The following DPY19L1 variants were observed in gnomAD, a reference collection of about 807,000 sequenced individuals.
DPY19L1 encodes the protein dpy-19 like C-mannosyltransferase 1.
A neutral mutation model predicts 96.9 loss-of-function variants in DPY19L1; 35 were observed. That is an observed-to-expected ratio of 0.36 (90% CI 0.28 to 0.48). The LOEUF (loss-of-function observed/expected upper bound fraction) is 0.48, where lower values mean the gene tolerates loss of function less well. Ranked by LOEUF, DPY19L1 falls within the 20% of genes least tolerant of loss-of-function variation. DPY19L1 has a pLI of 0.99. For missense variants in DPY19L1, 521 were observed against 777.9 expected, an observed-to-expected ratio of 0.67 and a Z score of 3.93; for synonymous variants, 205 against 252.6, an observed-to-expected ratio of 0.81 and a Z score of 1.79.
chr7:35,023,224 T>C (rs1786037228), intron 1 of DPY19L1, among the ~76,000 whole-genome samples: 1 of 152,158 alleles, frequency 6.6e-6, no homozygotes, highest in South Asian at 2.1e-4. Context: ...CCCCTCCCAG[T>C]TACCCCAAGC....
chr7:34,983,405 A>G (rs328905), intron 7 of DPY19L1, among the ~76,000 whole-genome samples: 5,574 of 152,140 alleles, frequency 0.037, 202 homozygotes, highest in African/African-American at 0.089. Context: ...ATAGAAAAAT[A>G]TTAGTGAGAT....
Position 35,010,247 on chromosome 7 carries a change from A to G in DPY19L1, c.764+221T>C, listed in dbSNP as rs140182693. On this transcript the variant is annotated intron_variant, in intron 6 of 21. Coordinates refer to ENST00000638088, the MANE Select transcript of DPY19L1 (RefSeq NM_001366673.1). ...CCTGTCTCAAAAAAAAAAGTAATTAAATTTATCAAGTATTCCCAATTCTAT... is the reference window on the plus strand; with the variant it reads ...CCTGTCTCAAAAAAAAAAGTAATTAGATTTATCAAGTATTCCCAATTCTAT... Among the ~76,000 whole-genome samples, 865 of 152,192 alleles carry G rather than the reference A, an allele frequency of 5.7e-3. 31 individuals are homozygous for G. The highest frequency in any genetic ancestry group is 0.051 in the Admixed American group (772 of 15,284).
chr7:35,008,785 G>A (rs1785630140), intron 6 of DPY19L1, among the ~76,000 whole-genome samples: 1 of 152,156 alleles, frequency 6.6e-6, no homozygotes, highest in African/African-American at 2.4e-5. Context: ...CTTCTCTTAT[G>A]TAAAATCTAA....
intron 1 of DPY19L1, among the ~76,000 whole-genome samples, chr7:35,033,042 T>C (rs1786298637): frequency 6.6e-6 from 1 of 152,186 alleles, no homozygotes; most frequent in South Asian, 2.1e-4. Context: ...AATTTAATCA[T>C]GTCACTCTCC....
rs749357640 is a variant in DPY19L1 at position 34,966,911 on chromosome 7, T to C, written c.1075A>G (p.Ile359Val). 51 of 1,538,888 alleles carry C rather than the reference T, an allele frequency of 3.3e-5. No homozygotes were observed. In the South Asian group the frequency reaches 6.2e-4, roughly 19 times the overall value. Residue 359 changes from isoleucine (I) to valine (V), a missense_variant, in exon 10 of 22, where the codon ATC (isoleucine) becomes GTC (valine). Coordinates refer to ENST00000638088, the MANE Select transcript of DPY19L1 (RefSeq NM_001366673.1). ...GYIDICKLRK[I>V]IYIHMISLAL... The stretch of plus-strand genomic sequence containing the variant: ...ATTATTACCATGTGTATATAAATGA[T>C]CTTCCGTAATTTACATATATCAATG...
chr7:34,941,976 T>G (rs1248275306), intron 17 of DPY19L1, 92 bp from the exon 18 acceptor site: 1 of 1,327,924 alleles, frequency 7.5e-7, no homozygotes, highest in Non-Finnish European at 1.0e-6. Context: ...TACGTTCTCC[T>G]TAGTAACAAA....
chr7:34,966,627 A>G (rs1466619245), intron 10 of DPY19L1, among the ~76,000 whole-genome samples: 2 of 152,162 alleles, frequency 1.3e-5, no homozygotes, highest in Admixed American at 6.5e-5. Flanking sequence ...CCTGGATAAT[A>G]TATCAGCCCC....
At chr7:35,014,439 C>G (rs1024118898) in intron 3 of DPY19L1, among the ~76,000 whole-genome samples, 2 of 151,890 alleles carry the variant, frequency 1.3e-5, no homozygotes, top group Non-Finnish European at 1.5e-5. Flanking sequence ...AACGGAGAGT[C>G]TAAGTGGCAG....
In DPY19L1 at chr7:34,947,652, A is replaced by G. The variant is rs1488161332; in HGVS notation, c.1472T>C (p.Val491Ala). ...TACCTTTCTAACAATAGCAACAAAC[A>G]CTACAAGAACAACTGGAAGCAATAA... ...KTLLLPVVLV[V>A]FVAIVRKIIS... The change falls in exon 15 of 22, where the codon GTG becomes GCG. Residue 491 changes from valine to alanine, a missense_variant. Physicochemically the swap from Val to Ala is moderately conservative, Grantham distance 64. Transcript: ENST00000638088. 6.2e-7 allele frequency: 1 copy of G among 1,612,164 alleles called. No individual in the cohort carries two copies. The highest frequency in any genetic ancestry group is 1.3e-5 in the African/African-American group (1 of 74,846).
chr7:34,955,617 T>C (rs1784362324), intron 11 of DPY19L1, among the ~76,000 whole-genome samples: 1 of 152,328 alleles, frequency 6.6e-6, no homozygotes, highest in South Asian at 2.1e-4. Flanking sequence ...TGTAAATGTC[T>C]ATGACTGATT....
rs545750840 is a variant in DPY19L1, at chr7:34,932,723, T to C, written c.2091-994A>G. On this transcript the variant is annotated intron_variant, in intron 21 of 21. Coordinates refer to ENST00000638088, the MANE Select transcript of DPY19L1 (RefSeq NM_001366673.1). Reference sequence around the variant, plus strand: ...AGTCCTTCAAAATAACAGTACCATTTATCTTAAATCAAGAACAGTTTTATG... The same window carrying C: ...AGTCCTTCAAAATAACAGTACCATTCATCTTAAATCAAGAACAGTTTTATG... Among the ~76,000 whole-genome samples the C allele has an allele frequency of 4.6e-5, 7 of 152,342 alleles. No homozygotes were observed. The East Asian group carries it at 1.3e-3, about 29-fold the overall frequency.
intron 6 of DPY19L1, among the ~76,000 whole-genome samples, chr7:35,008,471 A>T (rs527279276): frequency 1.3e-5 from 2 of 152,356 alleles, no homozygotes; most frequent in South Asian, 4.1e-4. Context: ...TTGAAAAAAC[A>T]GTTATAACAA....
chr7:35,002,763 A>G (rs1348926687), intron 6 of DPY19L1, among the ~76,000 whole-genome samples: 1 of 152,110 alleles, frequency 6.6e-6, no homozygotes, highest in African/African-American at 2.4e-5. Flanking sequence ...TGAAGCAACC[A>G]ACAATGTTCT....
At chr7:34,971,757 A>T (rs1784729030) in intron 8 of DPY19L1, among the ~76,000 whole-genome samples, 1 of 152,226 alleles carries the variant, frequency 6.6e-6, no homozygotes, top group South Asian at 2.1e-4. Flanking sequence ...AAAAACAGAG[A>T]AGAACCCAAC....
intron 11 of DPY19L1, among the ~76,000 whole-genome samples, chr7:34,956,585 C>A (rs1331964395): frequency 6.6e-6 from 1 of 151,616 alleles, no homozygotes; most frequent in Non-Finnish European, 1.5e-5. Flanking sequence ...CAGCTCACTG[C>A]AAGCTCCGCC....
In DPY19L1 at chr7:34,940,208, G is replaced by C; in HGVS notation, c.1809C>G (p.Phe603Leu). The change falls in exon 19 of 22, where the codon TTC becomes TTG. Residue 603 changes from phenylalanine to leucine, a missense_variant. Phe to Leu is a conservative substitution (Grantham distance 22, BLOSUM62 0). Coordinates refer to ENST00000638088, the MANE Select transcript of DPY19L1 (RefSeq NM_001366673.1). ...TAAGTTCTTCTTGGGGCAAATTGCT[G>C]AACTCCCCTACAATATTCCACTGGG... is the stretch of plus-strand genomic sequence containing the variant. ...LQTQWNIVGEFSNLPQEELIE... is the reference protein window; with the variant it reads ...LQTQWNIVGELSNLPQEELIE... 6.2e-7 allele frequency: 1 copy of C among 1,605,358 alleles called. No individual in the cohort carries two copies. The highest frequency in any genetic ancestry group is 8.5e-7 in the Non-Finnish European group (1 of 1,177,330).
intron 16 of DPY19L1, among the ~76,000 whole-genome samples, chr7:34,944,837 T>G (rs1023396940): frequency 6.6e-6 from 1 of 152,214 alleles, no homozygotes; most frequent in African/African-American, 2.4e-5. Context: ...GCCCACTATA[T>G]GTTTTACTGT....
At chr7:34,932,350 A>T (rs1315187657) in intron 21 of DPY19L1, among the ~76,000 whole-genome samples, 1 of 152,214 alleles carries the variant, frequency 6.6e-6, no homozygotes, top group Non-Finnish European at 1.5e-5. Flanking sequence ...TAAACATGCT[A>T]GGAACACTTA....
rs1784022308 is a variant in DPY19L1 at position 34,941,792 on chromosome 7, A to G, written c.1662T>C (p.Val554=). The part of the protein sequence containing the change: ...LKLFLTPHMC[V]MASLICSRQL... ...GTCTTGAGCAGATCAGTGATGCCATAACACACATGTGTGGTGTCAAGAAGA... is the reference window on the plus strand; with the variant it reads ...GTCTTGAGCAGATCAGTGATGCCATGACACACATGTGTGGTGTCAAGAAGA... Residue 554 remains valine, a synonymous_variant, in exon 18 of 22, where the codon GTT becomes GTC. Transcript: ENST00000638088. 6.3e-7 allele frequency: 1 copy of G among 1,598,180 alleles called. No homozygotes were observed. Among genetic ancestry groups the G allele is most frequent in the South Asian group, 1.1e-5 (1 of 87,496 alleles).
Sources: gnomAD v4.1 joint callset for allele counts (sites outside exome capture counted in the v4.1 genomes callset) on GRCh38, gnomAD v4.1.1 for gene constraint, MANE v1.5 for transcripts, NCBI Gene and HGNC (gene_info 2026-07-23, HGNC 2026-07-21) for gene names.